PLEKHH2: variants seen among roughly 807,000 people sequenced by gnomAD.
PLEKHH2 encodes the protein pleckstrin homology, MyTH4 and FERM domain containing H2, also known as pleckstrin homology domain-containing family H member 2.
In PLEKHH2, 129 loss-of-function variants were observed where a neutral mutation model predicts 187.9. That is an observed-to-expected ratio of 0.69 (90% CI 0.59 to 0.79). PLEKHH2 has a LOEUF of 0.79. Among genes scored for constraint, PLEKHH2 ranks in the 30% least tolerant of loss-of-function variants. The probability of loss-of-function intolerance (pLI) is 0.00; values close to 1 mark genes in which losing one functional copy is unlikely to be tolerated. For missense variants in PLEKHH2, 2,076 were observed against 1,751.2 expected (o/e 1.19, Z -3.31); for synonymous variants, 686 against 605.6 (o/e 1.13, Z -1.95).
chr2:43,748,902 G>A (rs867474734), intron 24 of PLEKHH2, among the ~76,000 whole-genome samples: 4 of 152,020 alleles, frequency 2.6e-5, no homozygotes, highest in East Asian at 1.9e-4. Flanking sequence ...GATTACAGGC[G>A]CCTGCCACCA....
chr2:43,645,116 AATC>A (rs549546174), intron 2 of PLEKHH2, among the ~76,000 whole-genome samples: 6 of 152,210 alleles, frequency 3.9e-5, no homozygotes, highest in Admixed American at 3.9e-4. Flanking sequence ...TGTTTACAAA[AATC>A]ATATTGAAGG....
chr2:43,710,181 G>A, intron 12 of PLEKHH2, 39 bp from the exon 13 acceptor site: 2 of 1,610,956 alleles, frequency 1.2e-6, no homozygotes, highest in Middle Eastern at 1.7e-4. Flanking sequence ...GCCTCCAAAA[G>A]GAAACTGAAA....
At chr2:43,690,795 T>C (rs192230158) in intron 3 of PLEKHH2, among the ~76,000 whole-genome samples, 2 of 152,356 alleles carry the variant, frequency 1.3e-5, no homozygotes, top group African/African-American at 4.8e-5. Flanking sequence ...AAACATCTCT[T>C]ATTTGGATCT....
chr2:43,695,503 C>T (rs1025245226), intron 6 of PLEKHH2, among the ~76,000 whole-genome samples: 3 of 152,200 alleles, frequency 2.0e-5, no homozygotes, highest in Non-Finnish European at 4.4e-5. Flanking sequence ...TCTCTCTATT[C>T]TAAAAGACCT....
chr2:43,683,424 C>A (rs952274712), intron 3 of PLEKHH2, among the ~76,000 whole-genome samples: 3 of 152,004 alleles, frequency 2.0e-5, no homozygotes, highest in Non-Finnish European at 4.4e-5. Context: ...CAGGTGTGAG[C>A]CACCTCGCCC....
intron 4 of PLEKHH2, 40 bp from the exon 5 acceptor site, chr2:43,694,391 G>C: frequency 6.6e-7 from 1 of 1,521,940 alleles, no homozygotes; most frequent in Non-Finnish European, 8.9e-7. Flanking sequence ...AGACCATTGA[G>C]TTTATGTTTG....
chr2:43,641,760 C>T (rs1222986599), intron 1 of PLEKHH2, among the ~76,000 whole-genome samples: 2 of 152,158 alleles, frequency 1.3e-5, no homozygotes, highest in African/African-American at 4.8e-5. Flanking sequence ...TATTCTTTCC[C>T]CCATTGGATG....
intron 2 of PLEKHH2, among the ~76,000 whole-genome samples, chr2:43,660,073 T>A (rs948899824): frequency 6.6e-6 from 1 of 152,310 alleles, no homozygotes; most frequent in South Asian, 2.1e-4. Flanking sequence ...GCCCTGGCAA[T>A]CACTGATATA....
In PLEKHH2 at chr2:43,710,195, C is replaced by A. The variant is rs117234270; in HGVS notation, c.2104-25C>A. On this transcript the variant is annotated intron_variant, in intron 12 of 29. Transcript: ENST00000282406. ...AGCCTCCAAAAGGAAACTGAAAATGCTTTTGTCTATCTTTTAAAAATTAGG... is the reference window on the plus strand; with the variant it reads ...AGCCTCCAAAAGGAAACTGAAAATGATTTTGTCTATCTTTTAAAAATTAGG... 5.0e-4 allele frequency: 799 copies of A among 1,611,458 alleles called. 17 individuals carry two copies. In the East Asian group the frequency reaches 0.018, roughly 36 times the overall value.
At chr2:43,686,631 A>G (rs1161854272) in intron 3 of PLEKHH2, among the ~76,000 whole-genome samples, 3 of 152,236 alleles carry the variant, frequency 2.0e-5, no homozygotes, top group Admixed American at 2.0e-4. Flanking sequence ...AAATTATTTA[A>G]TGATCTTGCT....
intron 3 of PLEKHH2, chr2:43,681,758 A>G (rs2104435934): frequency 2.2e-6 from 1 of 462,578 alleles, no homozygotes; most frequent in Non-Finnish European, 3.8e-6. Context: ...TTCGGGTCTG[A>G]GAGCCTACTC....
chr2:43,705,592 T>C (rs1053422978), intron 9 of PLEKHH2, among the ~76,000 whole-genome samples: 6 of 152,156 alleles, frequency 3.9e-5, no homozygotes, highest in Non-Finnish European at 7.3e-5. Flanking sequence ...ACATCAGATT[T>C]ACCTGATAAA....
chr2:43,754,199 CACACACA>C (rs1672119482), intron 25 of PLEKHH2, among the ~76,000 whole-genome samples: 2 of 115,506 alleles, frequency 1.7e-5, no homozygotes, highest in African/African-American at 8.3e-5. Context: ...CACACACACA[CACACACA>C]AAATTAATAC....
chr2:43,699,691 A>G lies in PLEKHH2; in HGVS notation c.733A>G (p.Asn245Asp), dbSNP rs1400921385. 1.6e-5 allele frequency: 26 copies of G among 1,613,796 alleles called. No homozygotes were observed. The highest frequency in any genetic ancestry group is 2.7e-5 in the African/African-American group (2 of 74,894). The stretch of plus-strand genomic sequence containing the variant: ...GTCTGTTGATAACCAAGTTCTAGAA[A>G]ACAACAGAGGCCAGAGAACATTGCA... Reference protein sequence around the residue: ...EKSVDNQVLENNRGQRTLHQT... With the variant: ...EKSVDNQVLEDNRGQRTLHQT... The change falls in exon 8 of 30, where the codon AAC (asparagine) becomes GAC (aspartate). Residue 245 changes from asparagine (N) to aspartate (D), a missense_variant. Physicochemically the swap from Asn to Asp is conservative, Grantham distance 23. Coordinates refer to ENST00000282406, the MANE Select transcript of PLEKHH2 (RefSeq NM_172069.4).
chr2:43,740,124 A>T (rs1053038911), intron 20 of PLEKHH2, among the ~76,000 whole-genome samples: 4 of 152,170 alleles, frequency 2.6e-5, no homozygotes, highest in Non-Finnish European at 5.9e-5. Context: ...TAAGATCTCT[A>T]TCCAACTTTT....
intron 2 of PLEKHH2, among the ~76,000 whole-genome samples, chr2:43,655,294 A>T (rs973705910): frequency 6.7e-6 from 1 of 149,828 alleles, no homozygotes; most frequent in South Asian, 2.1e-4. Flanking sequence ...AAAAACAACA[A>T]AAAAATATCT....
At chr2:43,747,446 T>C (rs1019396334) in intron 24 of PLEKHH2, among the ~76,000 whole-genome samples, 3 of 152,116 alleles carry the variant, frequency 2.0e-5, no homozygotes, top group South Asian at 2.1e-4. Context: ...TCAAAATGCA[T>C]AGAAAAGAAT....
In PLEKHH2 at chr2:43,697,233, A is replaced by G; in HGVS notation, c.565A>G (p.Ser189Gly). 6.2e-7 allele frequency: 1 copy of G among 1,613,970 alleles called. No individual in the cohort carries two copies. The highest frequency in any genetic ancestry group is 8.5e-7 in the Non-Finnish European group (1 of 1,179,878). Residue 189 changes from serine (S) to glycine (G), a missense_variant, in exon 7 of 30, where the codon AGC (serine) becomes GGC (glycine). Ser to Gly is a moderately conservative substitution (Grantham distance 56). Transcript: ENST00000282406. ...TLKLSEGQRL[S>G]SLTFGCFLSR... ...AAAGCTTTCGGAAGGCCAGCGCCTG[A>G]GCAGTTTGACCTTTGGGTGCTTTTT...
intron 1 of PLEKHH2, among the ~76,000 whole-genome samples, chr2:43,637,627 C>T (rs1439533167): frequency 1.3e-5 from 2 of 152,140 alleles, no homozygotes; most frequent in Admixed American, 6.5e-5. Context: ...GGGCGGTGGC[C>T]GGCGGTCCCT....
Sources: allele counts gnomAD v4.1 joint callset (sites outside exome capture counted in the v4.1 genomes callset), GRCh38; gene constraint gnomAD v4.1.1; transcripts MANE v1.5; gene names NCBI Gene and HGNC (gene_info 2026-07-23, HGNC 2026-07-21).